PECAM1: variants seen among roughly 807,000 people sequenced by gnomAD.
PECAM1 encodes the protein platelet endothelial cell adhesion molecule.
Under a neutral mutation model 13.8 loss-of-function variants are expected in PECAM1, and 8 were observed. The observed-to-expected ratio is 0.58, with a 90% confidence interval of 0.34 to 1.05. PECAM1 has a LOEUF of 1.05. Among genes scored for constraint, PECAM1 ranks in the 50% least tolerant of loss-of-function variants. The pLI, the probability that PECAM1 is intolerant of heterozygous loss-of-function variation, is 0.03. For missense variants in PECAM1, 304 were observed against 141.2 expected (o/e 2.15, Z -5.84); for synonymous variants, 136 against 52.6 (o/e 2.58, Z -6.86).
In PECAM1 at chr17:64,360,347, C is replaced by T. The variant is rs2035944236; in HGVS notation, c.1285G>A (p.Val429Ile). 1 of 475,238 alleles carries T rather than the reference C, an allele frequency of 2.1e-6. No individual in the cohort carries two copies. Among genetic ancestry groups the T allele is most frequent in the Admixed American group, 3.2e-5 (1 of 31,720 alleles). 29.4% of individuals were successfully genotyped at this position (475,238 alleles called of 1,614,324 possible). The change falls in exon 7 of 16, where the codon GTC becomes ATC. Residue 429 changes from valine to isoleucine, a missense_variant. Transcript: ENST00000563924. The stretch of plus-strand genomic sequence containing the variant: ...GTTCCACTGATCGATTCGCAACGGA[C>T]TTCGATGGTCTGTCCTTTTATGACC... ...FEVIKGQTIE[V>I]RCESISGTLP...
chr17:64,342,297 C>G (rs1052960599), intron 13 of PECAM1, among the ~76,000 whole-genome samples: 3 of 152,176 alleles, frequency 2.0e-5, no homozygotes, highest in Admixed American at 1.3e-4. Flanking sequence ...GAGAGGCCCC[C>G]AGCAAGGGCC....
At position 64,331,529 on chromosome 17, in the gene PECAM1, C is replaced by T. The variant is rs139240472; in HGVS notation, c.2165-1807G>A. On this transcript the variant is annotated intron_variant, in intron 14 of 15. Transcript: ENST00000563924. The stretch of plus-strand genomic sequence containing the variant: ...AGGCGCCATGCTGTGTTTGCCTGGC[C>T]CTGCCAGTCTGCAGTTGCGCAAATG... Among the ~76,000 whole-genome samples, 750 of 152,326 alleles carry T rather than the reference C, an allele frequency of 4.9e-3. 6 individuals are homozygous for T. The highest frequency in any genetic ancestry group is 0.017 in the African/African-American group (718 of 41,576).
chr17:64,356,601 G>A (rs1336856612), intron 7 of PECAM1, among the ~76,000 whole-genome samples: 2 of 151,678 alleles, frequency 1.3e-5, no homozygotes, highest in African/African-American at 2.4e-5. Context: ...TCAGCCTCCC[G>A]AGTAGCTGGA....
In PECAM1 at chr17:64,360,249, A is replaced by G; in HGVS notation, c.1383T>C (p.Pro461=). 2.1e-6 allele frequency: 1 copy of G among 475,402 alleles called. No individual in the cohort carries two copies. The highest frequency in any genetic ancestry group is 3.9e-6 in the Non-Finnish European group (1 of 259,060). 29.4% of individuals were successfully genotyped at this position (475,402 alleles called of 1,614,324 possible). A position where few individuals can be genotyped will look rare whatever the true frequency, so the allele number is the denominator to read the frequency against. Residue 461 remains proline (P), a synonymous_variant, in exon 7 of 16, where the codon CCT becomes CCC. Transcript: ENST00000563924. ...LENSTKNSND[P]AVFKDNPTED... is the part of the protein sequence containing the mutation. ...CAGTGGGGTTGTCTTTGAATACCGC[A>G]GGATCATTTGAGTTCTTGGTACTAT...
intron 6 of PECAM1, among the ~76,000 whole-genome samples, 182 bp from the exon 7 acceptor site, chr17:64,360,597 TG>T (rs2035950519): frequency 6.6e-6 from 1 of 150,892 alleles, no homozygotes. Context: ...TGTGTGTGTG[TG>T]TGTGTGTGTG....
intron 13 of PECAM1, among the ~76,000 whole-genome samples, chr17:64,346,867 G>A (rs2035581742): frequency 6.6e-6 from 1 of 152,138 alleles, no homozygotes. Flanking sequence ...CTTTACCTAA[G>A]TGTCCCTCTA....
chr17:64,358,960 C>G (rs1466508998), intron 7 of PECAM1, among the ~76,000 whole-genome samples: 5 of 152,110 alleles, frequency 3.3e-5, no homozygotes, highest in African/African-American at 1.2e-4. Flanking sequence ...CCACACCCAG[C>G]TAATTTTTTG....
chr17:64,355,294 T>C (rs1252416816), intron 8 of PECAM1, among the ~76,000 whole-genome samples: 1 of 152,134 alleles, frequency 6.6e-6, no homozygotes, highest in Non-Finnish European at 1.5e-5. Flanking sequence ...TGGGGTAGAC[T>C]CTTTTCTTTT....
intron 4 of PECAM1, among the ~76,000 whole-genome samples, chr17:64,371,629 A>G (rs1471911456): frequency 2.0e-5 from 3 of 152,200 alleles, no homozygotes; most frequent in Non-Finnish European, 4.4e-5. Flanking sequence ...CAGGAGTTTA[A>G]GACCAGCCTG....
chr17:64,360,588 G>GTGTT (rs1177210242), intron 6 of PECAM1, among the ~76,000 whole-genome samples, 173 bp from the exon 7 acceptor site: 1 of 147,592 alleles, frequency 6.8e-6, no homozygotes, highest in Non-Finnish European at 1.5e-5. Context: ...CAGGCTGTGT[G>GTGTT]TGTGTGTGTG....
chr17:64,368,962 A>G (rs1374449225), intron 5 of PECAM1, among the ~76,000 whole-genome samples: 19 of 87,980 alleles, frequency 2.2e-4, no homozygotes, highest in Non-Finnish European at 3.4e-4. Flanking sequence ...TTTGAGACAG[A>G]GTCTCACTCT....
At position 64,380,519 on chromosome 17, in the gene PECAM1, G is replaced by A. The variant is rs1169145032; in HGVS notation, c.92-2402C>T. 3.3e-5 allele frequency among the ~76,000 whole-genome samples: 5 copies of A among 152,164 alleles called. 1 individual carries two copies. The highest frequency in any genetic ancestry group is 9.7e-5 in the African/African-American group (4 of 41,432). ...CCAGCATTTGGACCTGGGATTGAAAGTGACTATGTCTGGTATGCTTTCTTA... is the reference window on the plus strand; with the variant it reads ...CCAGCATTTGGACCTGGGATTGAAAATGACTATGTCTGGTATGCTTTCTTA... On this transcript the variant is annotated intron_variant, in intron 2 of 15. Transcript: ENST00000563924.
rs2034788087 is a variant in PECAM1, at chr17:64,319,887, C to T, written c.*3929G>A. The T allele has an allele frequency of 6.6e-6, 1 of 152,118 alleles. No individual in the cohort carries two copies. Among genetic ancestry groups the T allele is most frequent in the Non-Finnish European group, 1.5e-5 (1 of 68,038 alleles). 9.4% of individuals were successfully genotyped at this position (152,118 alleles called of 1,614,324 possible). A position where few individuals can be genotyped will look rare whatever the true frequency, so the allele number is the denominator to read the frequency against. On this transcript the variant is annotated 3_prime_UTR_variant, in exon 16 of 16. Coordinates refer to ENST00000563924, the MANE Select transcript of PECAM1 (RefSeq NM_000442.5). ...GACTGTCCTTGCTTGGAGCTGGCTG[C>T]AACCAATTATTATTTTACAGAGACA...
intron 11 of PECAM1, among the ~76,000 whole-genome samples, chr17:64,352,013 T>C (rs2035734957): frequency 6.6e-6 from 1 of 152,228 alleles, no homozygotes; most frequent in Non-Finnish European, 1.5e-5. Flanking sequence ...AAAACTGTCT[T>C]GTGCTTGTAA....
intron 5 of PECAM1, among the ~76,000 whole-genome samples, chr17:64,369,303 G>A: frequency 1.3e-5 from 2 of 152,218 alleles, no homozygotes; most frequent in Middle Eastern, 6.8e-3. Context: ...CCACGTCTGG[G>A]ATCTAGCATA....
intron 13 of PECAM1, among the ~76,000 whole-genome samples, chr17:64,341,900 A>G (rs1207597869): frequency 6.6e-6 from 1 of 152,132 alleles, no homozygotes; most frequent in Admixed American, 6.6e-5. Flanking sequence ...CTGTAATCCC[A>G]GCACTTTGGG....
At chr17:64,386,657 T>C (rs1249021164) in intron 2 of PECAM1, among the ~76,000 whole-genome samples, 1 of 151,998 alleles carries the variant, frequency 6.6e-6, no homozygotes, top group Non-Finnish European at 1.5e-5. Context: ...CGCAGCTGGG[T>C]GTGGTGGCTC....
rs1419405884 is a variant in PECAM1, at chr17:64,354,968, A to G, written c.1853T>C (p.Ile618Thr). 1.5e-5 allele frequency: 7 copies of G among 475,304 alleles called. No homozygotes were observed. Among genetic ancestry groups the G allele is most frequent in the African/African-American group, 4.0e-5 (2 of 50,532 alleles). The allele number at this position is 475,304 out of a possible 1,614,324, so 29.4% of individuals were successfully genotyped here. A position where few individuals can be genotyped will look rare whatever the true frequency, so the allele number is the denominator to read the frequency against. ...CCTCAGAAAATAACATTTGGCCGCAATGATCAAGAGAGCAATGATCACTCC... is the reference window on the plus strand; with the variant it reads ...CCTCAGAAAATAACATTTGGCCGCAGTGATCAAGAGAGCAATGATCACTCC... ...IIGVIIALLIIAAKCYFLRKA... is the reference protein window; with the variant it reads ...IIGVIIALLITAAKCYFLRKA... Residue 618 changes from isoleucine to threonine, a missense_variant, in exon 9 of 16, where the codon ATT becomes ACT. By Grantham distance (89) the Ile-to-Thr change is moderately conservative (BLOSUM62 -1). Transcript: ENST00000563924.
At chr17:64,382,472 C>T (rs1202770259) in intron 2 of PECAM1, among the ~76,000 whole-genome samples, 1 of 152,144 alleles carries the variant, frequency 6.6e-6, no homozygotes, top group African/African-American at 2.4e-5. Flanking sequence ...GAGTTCCTGG[C>T]ACCTATAAAG....
Sources: allele counts gnomAD v4.1 joint callset (sites outside exome capture counted in the v4.1 genomes callset), GRCh38; gene constraint gnomAD v4.1.1; transcripts MANE v1.5; gene names NCBI Gene and HGNC (gene_info 2026-07-23, HGNC 2026-07-21).